Variants in CAB39 observed in about 807,000 individuals in gnomAD.
CAB39 encodes calcium binding protein 39.
CAB39 carries 8 observed loss-of-function variants against 40.0 expected under a neutral mutation model. The observed-to-expected ratio is 0.20, with a 90% CI of 0.12 to 0.36. The LOEUF (loss-of-function observed/expected upper bound fraction) is 0.36, where lower values mean the gene tolerates loss of function less well. Ranked by LOEUF, CAB39 falls within the 10% of genes least tolerant of loss-of-function variation. CAB39 has a pLI of 1.00. For missense variants in CAB39, 270 were observed against 401.1 expected, an observed-to-expected ratio of 0.67 and a Z score of 2.79; for synonymous variants, 156 against 141.6, an observed-to-expected ratio of 1.10 and a Z score of -0.72.
chr2:230,781,676 T>TA lies in CAB39; in HGVS notation c.115-9195dup, dbSNP rs199662143. On this transcript the variant is annotated intron_variant, in intron 2 of 8. Coordinates refer to ENST00000258418, the MANE Select transcript of CAB39 (RefSeq NM_016289.4). ...GGAGGAGCTGTAAGTGTGAATACCT[T>TA]ACTCAGTAGGTGTGAGGGGACCAAT... Among the ~76,000 whole-genome samples, 1,296 of 152,172 alleles carry TA rather than the reference T, an allele frequency of 8.5e-3. 18 individuals carry two copies. The highest frequency in any genetic ancestry group is 0.028 in the African/African-American group (1,160 of 41,506).
At chr2:230,763,446 G>C (rs969697583) in intron 2 of CAB39, among the ~76,000 whole-genome samples, 2 of 152,070 alleles carry the variant, frequency 1.3e-5, no homozygotes, top group African/African-American at 4.8e-5. Flanking sequence ...ACAAAAATTA[G>C]CCAGGCACGG....
At chr2:230,799,617 T>C (rs981674692) in intron 5 of CAB39, among the ~76,000 whole-genome samples, 2 of 152,244 alleles carry the variant, frequency 1.3e-5, no homozygotes, top group African/African-American at 2.4e-5. Flanking sequence ...TCTTTTACAA[T>C]GAGAGCAAGC....
chr2:230,721,118 A>G (rs528730303), intron 1 of CAB39, among the ~76,000 whole-genome samples: 7 of 152,288 alleles, frequency 4.6e-5, no homozygotes, highest in African/African-American at 1.7e-4. Flanking sequence ...ATTAAATGAT[A>G]CAGCTGTGTG....
chr2:230,772,914 T>A (rs1695509664), intron 2 of CAB39, among the ~76,000 whole-genome samples: 1 of 150,962 alleles, frequency 6.6e-6, no homozygotes. Context: ...CGGCCTTATT[T>A]GTAAATGGCC....
chr2:230,756,657 GTTTGTTTA>G (rs372291866), intron 1 of CAB39, among the ~76,000 whole-genome samples: 10,293 of 134,336 alleles, frequency 0.077, 587 homozygotes, highest in African/African-American at 0.16. Context: ...GTTTCTAACT[GTTTGTTTA>G]TTTATTTATT....
chr2:230,813,845 A>G, intron 6 of CAB39: 1 of 466,338 alleles, frequency 2.1e-6, no homozygotes, highest in Non-Finnish European at 3.7e-6. Context: ...GATTGGTGGG[A>G]TCACCTGAGA....
chr2:230,727,363 C>CGTGTGTGTGTGTGT (rs10542723), intron 1 of CAB39, among the ~76,000 whole-genome samples: 1,381 of 126,936 alleles, frequency 0.011, 44 homozygotes, highest in African/African-American at 0.042. Context: ...GATTGTTAAC[C>CGTGTGTGTGTGTGT]GTGTGTGTGT....
Position 230,817,759 on chromosome 2 carries a change from CGGT to C in CAB39, c.701_703del (p.Gly234del). ...TTGTTTAAATGTCTTCTCAGCTTCTCGGTGAACTACTACTAGATAGACACAACT... is the reference window on the plus strand; with the variant it reads ...TTGTTTAAATGTCTTCTCAGCTTCTCGAACTACTACTAGATAGACACAACT... On this transcript the variant is annotated inframe_deletion, in exon 8 of 9. Transcript: ENST00000258418. 1 of 1,580,908 alleles carries C rather than the reference CGGT, an allele frequency of 6.3e-7. No homozygotes were observed. Among genetic ancestry groups the C allele is most frequent in the Non-Finnish European group, 8.6e-7 (1 of 1,167,108 alleles).
intron 2 of CAB39, among the ~76,000 whole-genome samples, chr2:230,789,970 C>T (rs1294873353): frequency 2.0e-5 from 3 of 152,136 alleles, no homozygotes; most frequent in Admixed American, 6.6e-5. Flanking sequence ...CACGGTGGCT[C>T]ACACCTGTAA....
intron 1 of CAB39, among the ~76,000 whole-genome samples, chr2:230,748,379 T>C (rs146899086): frequency 3.9e-3 from 597 of 152,244 alleles, no homozygotes; most frequent in Non-Finnish European, 5.6e-3. Context: ...GTCACACTGG[T>C]GTGTGGTTGT....
intron 2 of CAB39, among the ~76,000 whole-genome samples, chr2:230,783,410 G>T (rs965638836): frequency 1.3e-5 from 2 of 150,350 alleles, no homozygotes; most frequent in Non-Finnish European, 3.0e-5. Flanking sequence ...TTATTTCGTT[G>T]CCCGTTCTTA....
At position 230,772,867 on chromosome 2, in the gene CAB39, T is replaced by C. The variant is rs984010544; in HGVS notation, c.114+12752T>C. Among the ~76,000 whole-genome samples the C allele has an allele frequency of 2.6e-5, 4 of 151,580 alleles. No individual in the cohort carries two copies. In the East Asian group the frequency reaches 7.7e-4, roughly 29 times the overall value. ...TATTTACCCAAGAGAACAAGAAATA[T>C]ATGTTCATGAAAAGACTTTTGCTTA... On this transcript the variant is annotated intron_variant, in intron 2 of 8. Transcript: ENST00000258418.
At chr2:230,760,683 T>C (rs1480492476) in intron 2 of CAB39, among the ~76,000 whole-genome samples, 1 of 152,240 alleles carries the variant, frequency 6.6e-6, no homozygotes, top group Non-Finnish European at 1.5e-5. Flanking sequence ...GTTTTCTTCC[T>C]GTATTCAGTG....
At chr2:230,806,039 A>G (rs1044351755) in intron 5 of CAB39, among the ~76,000 whole-genome samples, 1 of 152,210 alleles carries the variant, frequency 6.6e-6, no homozygotes, top group Non-Finnish European at 1.5e-5. Flanking sequence ...TTAAATACAG[A>G]TAACTGAGGT....
chr2:230,760,233 A>G (rs545043696), intron 2 of CAB39, 118 bp downstream of exon 2: 4 of 581,282 alleles, frequency 6.9e-6, no homozygotes, highest in East Asian at 5.8e-5. Flanking sequence ...AATAACATCC[A>G]AAAGCAACAT....
chr2:230,809,846 CCT>C (rs1696273854), intron 5 of CAB39, among the ~76,000 whole-genome samples: 14 of 152,162 alleles, frequency 9.2e-5, no homozygotes, highest in Admixed American at 9.2e-4. Flanking sequence ...AAAGAAATTT[CCT>C]CTTTCTCCAC....
chr2:230,739,660 A>G (rs1443711575), intron 1 of CAB39, among the ~76,000 whole-genome samples: 2 of 152,080 alleles, frequency 1.3e-5, no homozygotes. Context: ...ACGCCCAGCT[A>G]ATTTTGTATT....
chr2:230,768,025 T>G (rs908230501), intron 2 of CAB39, among the ~76,000 whole-genome samples: 6 of 152,212 alleles, frequency 3.9e-5, no homozygotes, highest in Non-Finnish European at 2.9e-5. Flanking sequence ...TGATATATGC[T>G]TGCTATTTTC....
intron 2 of CAB39, among the ~76,000 whole-genome samples, chr2:230,761,795 A>G (rs553149998): frequency 7.9e-5 from 12 of 152,308 alleles, no homozygotes; most frequent in South Asian, 2.1e-4. Context: ...CTGGGAAACT[A>G]GATTAATTGA....
Sources: gnomAD v4.1 joint callset for allele counts (sites outside exome capture counted in the v4.1 genomes callset) on GRCh38, gnomAD v4.1.1 for gene constraint, MANE v1.5 for transcripts, NCBI Gene and HGNC (gene_info 2026-07-23, HGNC 2026-07-21) for gene names.